The following CPEB2 variants were observed in gnomAD, a reference collection of about 807,000 sequenced individuals.
The protein encoded by CPEB2 is cytoplasmic polyadenylation element binding protein 2.
A neutral mutation model predicts 93.6 loss-of-function variants in CPEB2; 56 were observed. The observed-to-expected ratio is 0.60, with a 90% CI of 0.48 to 0.75. CPEB2 has a LOEUF of 0.75. Among genes scored for constraint, CPEB2 ranks in the 30% least tolerant of loss-of-function variants. CPEB2 has a pLI of 0.00. For synonymous variants in CPEB2, 764 were observed against 586.3 expected (o/e 1.30, Z -4.38); for missense variants, 1,579 against 1,395.1 (o/e 1.13, Z -2.10).
intron 4 of CPEB2, among the ~76,000 whole-genome samples, chr4:15,018,470 T>C (rs902513211): frequency 2.6e-5 from 4 of 151,502 alleles, no homozygotes; most frequent in Non-Finnish European, 5.9e-5. Context: ...TTTTTGGGGA[T>C]GTTTGTTTGA....
At chr4:15,029,157 T>G (rs978268982) in intron 4 of CPEB2, among the ~76,000 whole-genome samples, 2 of 152,130 alleles carry the variant, frequency 1.3e-5, no homozygotes, top group African/African-American at 4.8e-5. Flanking sequence ...ACATCACATT[T>G]GTGCGGATTC....
At chr4:15,020,650 T>G (rs1724707167) in intron 4 of CPEB2, among the ~76,000 whole-genome samples, 1 of 152,120 alleles carries the variant, frequency 6.6e-6, no homozygotes, top group Non-Finnish European at 1.5e-5. Flanking sequence ...TTGTTGAAGT[T>G]GTACAGATGT....
Position 15,002,887 on chromosome 4 carries a change from G to C in CPEB2, c.214G>C (p.Gly72Arg). 6.6e-7 allele frequency: 1 copy of C among 1,517,032 alleles called. No homozygotes were observed. 94.0% of individuals were successfully genotyped at this position (1,517,032 alleles called of 1,614,324 possible). A position where few individuals can be genotyped will look rare whatever the true frequency, so the allele number is the denominator to read the frequency against. ...ASPFSVPLGG[G>R]AGSPAAAASS... ...CCCCTTCTCCGTCCCCCTCGGCGGC[G>C]GCGCGGGCAGCCCGGCCGCCGCCGC... The change falls in exon 1 of 12, where the codon GGC (glycine) becomes CGC (arginine). Residue 72 changes from glycine (G) to arginine (R), a missense_variant. By Grantham distance (125) the Gly-to-Arg change is moderately radical (BLOSUM62 -2). Transcript: ENST00000538197.
At chr4:15,055,798 T>C (rs965580995) in intron 8 of CPEB2, among the ~76,000 whole-genome samples, 4 of 152,180 alleles carry the variant, frequency 2.6e-5, no homozygotes, top group African/African-American at 9.6e-5. Flanking sequence ...AAACTGGCCT[T>C]GTTCTCTCCA....
At chr4:15,058,925 CT>C (rs1728950466) in intron 9 of CPEB2, among the ~76,000 whole-genome samples, 1 of 152,172 alleles carries the variant, frequency 6.6e-6, no homozygotes, top group Non-Finnish European at 1.5e-5. Flanking sequence ...AGGTGGAACA[CT>C]TTGATCTCGA....
intron 1 of CPEB2, among the ~76,000 whole-genome samples, chr4:15,007,006 A>T (rs1373013236): frequency 6.6e-6 from 1 of 152,116 alleles, no homozygotes; most frequent in Non-Finnish European, 1.5e-5. Flanking sequence ...TTTTTTCTTC[A>T]TATTTATCAT....
chr4:15,063,979 A>C (rs1729453462), intron 11 of CPEB2: 1 of 152,162 alleles, frequency 6.6e-6, no homozygotes, highest in South Asian at 2.1e-4. Flanking sequence ...ATTAACCTTT[A>C]TACCTTTCAT....
intron 6 of CPEB2, among the ~76,000 whole-genome samples, chr4:15,042,589 C>T (rs530896797): frequency 6.6e-6 from 1 of 152,070 alleles, no homozygotes; most frequent in African/African-American, 2.4e-5. Flanking sequence ...AATTATATGG[C>T]CTTAGTAAAT....
chr4:15,048,768 C>G (rs981799906), intron 6 of CPEB2, among the ~76,000 whole-genome samples: 1 of 151,960 alleles, frequency 6.6e-6, no homozygotes, highest in African/African-American at 2.4e-5. Flanking sequence ...CATTATCATT[C>G]AGTTTTATTC....
intron 4 of CPEB2, among the ~76,000 whole-genome samples, chr4:15,025,080 G>C (rs775880133): frequency 6.6e-6 from 1 of 151,890 alleles, no homozygotes; most frequent in African/African-American, 2.4e-5. Context: ...TGGAATTCCT[G>C]TTCCTCAAAT....
intron 8 of CPEB2, among the ~76,000 whole-genome samples, chr4:15,055,354 C>G (rs758829068): frequency 9.9e-5 from 15 of 152,072 alleles, no homozygotes; most frequent in Non-Finnish European, 2.1e-4. Flanking sequence ...GGTCACAAAA[C>G]CTTGGTATAG....
chr4:15,005,749 G>A (rs1722733357), intron 1 of CPEB2, among the ~76,000 whole-genome samples: 1 of 152,194 alleles, frequency 6.6e-6, no homozygotes, highest in Admixed American at 6.5e-5. Context: ...AACAGTTTTT[G>A]TTGAATCACT....
intron 10 of CPEB2, among the ~76,000 whole-genome samples, chr4:15,060,036 A>G (rs1361271484): frequency 2.0e-5 from 3 of 152,174 alleles, no homozygotes; most frequent in Non-Finnish European, 4.4e-5. Flanking sequence ...TTGAAGTCTG[A>G]TATCTTGAAG....
chr4:15,013,791 C>CT (rs1165743649), intron 3 of CPEB2, among the ~76,000 whole-genome samples: 2 of 152,144 alleles, frequency 1.3e-5, no homozygotes, highest in East Asian at 3.9e-4. Context: ...GCAGCTGATG[C>CT]TTTACAAAGT....
At chr4:15,022,678 C>T (rs920361809) in intron 4 of CPEB2, among the ~76,000 whole-genome samples, 33 of 152,008 alleles carry the variant, frequency 2.2e-4, no homozygotes, top group Middle Eastern at 3.4e-3. Context: ...ATTTATATAG[C>T]AGCCATATGT....
At chr4:15,039,543 A>G (rs1170233620) in intron 5 of CPEB2, among the ~76,000 whole-genome samples, 2 of 152,052 alleles carry the variant, frequency 1.3e-5, no homozygotes, top group Non-Finnish European at 2.9e-5. Flanking sequence ...CCTTGACTTC[A>G]TATATTAATT....
chr4:15,035,549 A>G (rs1201013197), intron 5 of CPEB2, among the ~76,000 whole-genome samples: 1 of 152,168 alleles, frequency 6.6e-6, no homozygotes, highest in African/African-American at 2.4e-5. Context: ...AAATACATGA[A>G]GTTGGATATG....
rs1729714536 is a variant in CPEB2 at position 15,066,433 on chromosome 4, A to G, written c.*53A>G. The G allele has an allele frequency of 7.7e-7, 1 of 1,305,790 alleles. No homozygotes were observed. The highest frequency in any genetic ancestry group is 1.3e-5 in the South Asian group (1 of 79,570). 80.9% of individuals were successfully genotyped at this position (1,305,790 alleles called of 1,614,324 possible). The stretch of plus-strand genomic sequence containing the variant: ...AGGAAAGAAAGGGTGCATGTGGCTT[A>G]CTGTGTCTGAAGATACTGACATGCA... On this transcript the variant is annotated 3_prime_UTR_variant, in exon 12 of 12. Transcript: ENST00000538197.
At chr4:15,046,100 C>T (rs1281730867) in intron 6 of CPEB2, among the ~76,000 whole-genome samples, 1 of 151,936 alleles carries the variant, frequency 6.6e-6, no homozygotes, top group Non-Finnish European at 1.5e-5. Flanking sequence ...CATGAGCACT[C>T]GTTTCTCTTG....
Sources: allele counts gnomAD v4.1 joint callset (sites outside exome capture counted in the v4.1 genomes callset), GRCh38; gene constraint gnomAD v4.1.1; transcripts MANE v1.5; gene names NCBI Gene and HGNC (gene_info 2026-07-23, HGNC 2026-07-21).